Variants in DSCAML1 observed in about 807,000 individuals in gnomAD.
The protein encoded by DSCAML1 is cell adhesion molecule DSCAML1.
A neutral mutation model predicts 200.5 loss-of-function variants in DSCAML1; 38 were observed. The observed-to-expected ratio is 0.19, with a 90% CI of 0.15 to 0.25. DSCAML1 has a LOEUF of 0.25. Among genes scored for constraint, DSCAML1 ranks in the 10% least tolerant of loss-of-function variants. The pLI, the probability that DSCAML1 is intolerant of heterozygous loss-of-function variation, is 1.00. For synonymous variants in DSCAML1, 1,215 were observed against 1,165.0 expected (o/e 1.04, Z -0.87); for missense variants, 2,223 against 2,858.8 (o/e 0.78, Z 5.07).
At position 117,469,785 on chromosome 11, in the gene DSCAML1, T is replaced by G; in HGVS notation, c.3024+125A>C. The G allele has an allele frequency of 2.4e-6, 2 of 828,946 alleles. No homozygotes were observed. The highest frequency in any genetic ancestry group is 3.8e-5 in the South Asian group (1 of 26,350). 51.3% of individuals were successfully genotyped at this position (828,946 alleles called of 1,614,324 possible). ...ATCTCTCAAATCTCACTAGGTTTAG[T>G]GACAAAACAGACATGGGCATCATAT... is the stretch of plus-strand genomic sequence containing the variant. On this transcript the variant is annotated intron_variant, in intron 16 of 32. Coordinates refer to ENST00000651296, the MANE Select transcript of DSCAML1 (RefSeq NM_020693.4). The surrounding 1 kb of genome is among the most constrained non-coding windows in gnomAD (Gnocchi z 4.1).
At position 117,481,123 on chromosome 11, in the gene DSCAML1, C is replaced by A. The variant is rs1415677096; in HGVS notation, c.2656+51G>T. On this transcript the variant is annotated intron_variant, in intron 13 of 32. Transcript: ENST00000651296. ...TCTTTGAGGTGGAGTTAGCGGTGGGCCCCTGGGCCCTGGGGAGGTGGGATG... is the reference window on the plus strand; with the variant it reads ...TCTTTGAGGTGGAGTTAGCGGTGGGACCCTGGGCCCTGGGGAGGTGGGATG... 3 of 1,561,428 alleles carry A rather than the reference C, an allele frequency of 1.9e-6. No homozygotes were observed. The South Asian group carries it at 3.3e-5, about 17-fold the overall frequency.
At chr11:117,793,847 T>C (rs1308852208) in intron 1 of DSCAML1, among the ~76,000 whole-genome samples, 1 of 152,206 alleles carries the variant, frequency 6.6e-6, no homozygotes, top group Admixed American at 6.5e-5. Flanking sequence ...CTGGCTTTGA[T>C]GCCCAGAAAA....
At chr11:117,585,250 A>AT (rs889553367) in intron 3 of DSCAML1, among the ~76,000 whole-genome samples, 75 of 151,404 alleles carry the variant, frequency 5.0e-4, no homozygotes, top group Middle Eastern at 3.4e-3. Context: ...GTTTTCTGCT[A>AT]TTTTTTTTCT....
chr11:117,700,939 C>T (rs991964419), intron 3 of DSCAML1, among the ~76,000 whole-genome samples: 2 of 152,220 alleles, frequency 1.3e-5, no homozygotes, highest in East Asian at 1.9e-4. Context: ...TAAGACAGCA[C>T]AGACTTTGCT....
At chr11:117,457,960 A>G (rs1185567953) in intron 19 of DSCAML1, among the ~76,000 whole-genome samples, 1 of 152,210 alleles carries the variant, frequency 6.6e-6, no homozygotes, top group African/African-American at 2.4e-5. Flanking sequence ...CACCCGGCCC[A>G]GAGCACTCAC....
chr11:117,453,750 T>TTTCTTTCTTTCTTTCTTTC, intron 19 of DSCAML1, among the ~76,000 whole-genome samples: 1 of 130,454 alleles, frequency 7.7e-6, no homozygotes, highest in African/African-American at 3.2e-5. Context: ...TTCTTTCTTT[T>TTTCTTTCTTTCTTTCTTTC]TTTTTTTTTT....
chr11:117,630,388 A>G, intron 3 of DSCAML1, among the ~76,000 whole-genome samples: 1 of 152,094 alleles, frequency 6.6e-6, no homozygotes, highest in East Asian at 1.9e-4. Context: ...CCTTGCAGAC[A>G]CACAGATCTC....
chr11:117,521,142 T>A lies in DSCAML1; in HGVS notation c.1201A>T (p.Ile401Phe), dbSNP rs906471774. 3 of 1,612,156 alleles carry A rather than the reference T, an allele frequency of 1.9e-6. No homozygotes were observed. Among genetic ancestry groups the A allele is most frequent in the Non-Finnish European group, 2.5e-6 (3 of 1,178,510 alleles). ...CGCCCCAGCTCACCCTCAAGTGCAA[T>A]GATGGCAAAGTCCTGGGCGGTCTGG... ...KAQTAQDFAI[I>F]ALEDGTPRIV... is the part of the protein sequence containing the mutation. The change falls in exon 6 of 33, where the codon ATT (isoleucine) becomes TTT (phenylalanine). Residue 401 changes from isoleucine (I) to phenylalanine (F), a missense_variant. By Grantham distance (21) the Ile-to-Phe change is conservative. Around this residue, in one of 7 missense-constraint regions of DSCAML1, gnomAD observed 579 missense variants for 721.5 expected, o/e 0.80. Transcript: ENST00000651296.
intron 1 of DSCAML1, among the ~76,000 whole-genome samples, chr11:117,809,854 CACACTCACTT>C (rs1265803762): frequency 1.4e-4 from 22 of 151,876 alleles, no homozygotes; most frequent in African/African-American, 3.6e-4. Context: ...CATACACACT[CACACTCACTT>C]ACACATTCAC....
chr11:117,627,688 A>G (rs1422104674), intron 3 of DSCAML1, among the ~76,000 whole-genome samples: 1 of 152,032 alleles, frequency 6.6e-6, no homozygotes, highest in Admixed American at 6.5e-5. Context: ...CACTTTGTAT[A>G]TATGATCTCA....
rs148315691 is a variant in DSCAML1, at chr11:117,766,564, G to A, written c.511+10227C>T. ...AGGATAACCTTCTATAAAGAATTCC[G>A]CTCTGATTTCAGGGTAACTTTCAGA... On this transcript the variant is annotated intron_variant, in intron 3 of 32. Transcript: ENST00000651296. 3.8e-3 allele frequency among the ~76,000 whole-genome samples: 585 copies of A among 152,240 alleles called. 2 individuals carry two copies. Among genetic ancestry groups the A allele is most frequent in the African/African-American group, 0.013 (558 of 41,540 alleles).
At chr11:117,625,296 T>C (rs1263889746) in intron 3 of DSCAML1, among the ~76,000 whole-genome samples, 1 of 152,074 alleles carries the variant, frequency 6.6e-6, no homozygotes, top group African/African-American at 2.4e-5. Flanking sequence ...TCCTAACACC[T>C]GCAGCTCCTT....
At chr11:117,769,130 G>A (rs1183341668) in intron 3 of DSCAML1, among the ~76,000 whole-genome samples, 1 of 115,282 alleles carries the variant, frequency 8.7e-6, no homozygotes, top group South Asian at 2.4e-4. Flanking sequence ...TATATATTAT[G>A]TATATTATAT....
chr11:117,767,629 C>T (rs1040570647), intron 3 of DSCAML1, among the ~76,000 whole-genome samples: 2 of 152,180 alleles, frequency 1.3e-5, no homozygotes, highest in Non-Finnish European at 2.9e-5. Context: ...AATTAAGGAC[C>T]AGCTGCCTTT....
At position 117,430,991 on chromosome 11, in the gene DSCAML1, G is replaced by T; in HGVS notation, c.5417C>A (p.Ser1806Tyr). 1 of 1,614,108 alleles carries T rather than the reference G, an allele frequency of 6.2e-7. No individual in the cohort carries two copies. The highest frequency in any genetic ancestry group is 8.5e-7 in the Non-Finnish European group (1 of 1,180,026). ...NSMVSTESAS[S>Y]TYEELARAYE... ...GGCCCGGGCCAGCTCCTCGTAGGTG[G>T]AAGAGGCACTCTCAGTGGACACCAT... Residue 1806 changes from serine (S) to tyrosine (Y), a missense_variant, in exon 32 of 33, where the codon TCC becomes TAC. Ser to Tyr is a moderately radical substitution (Grantham distance 144). Coordinates refer to ENST00000651296, the MANE Select transcript of DSCAML1 (RefSeq NM_020693.4).
chr11:117,593,609 C>T (rs1255117008), intron 3 of DSCAML1, among the ~76,000 whole-genome samples: 2 of 152,186 alleles, frequency 1.3e-5, no homozygotes, highest in African/African-American at 4.8e-5. Flanking sequence ...GGCTTGGGGC[C>T]CTGGCACAAG....
intron 3 of DSCAML1, among the ~76,000 whole-genome samples, chr11:117,641,665 G>A (rs552376256): frequency 8.5e-5 from 13 of 152,248 alleles, no homozygotes; most frequent in South Asian, 2.1e-4. Context: ...TCAGAAGAGG[G>A]AGACAGACTC....
intron 3 of DSCAML1, among the ~76,000 whole-genome samples, chr11:117,569,324 T>A (rs2050808486): frequency 6.6e-6 from 1 of 152,206 alleles, no homozygotes; most frequent in East Asian, 1.9e-4. Flanking sequence ...GGACTTCATG[T>A]CTAAAACACC....
At chr11:117,816,353 T>C (rs566465010) in intron 1 of DSCAML1, among the ~76,000 whole-genome samples, 32 of 152,300 alleles carry the variant, frequency 2.1e-4, no homozygotes, top group Admixed American at 1.9e-3. Context: ...TCCCAGCCAG[T>C]GACTCGCTCT....
Sources: allele counts gnomAD v4.1 joint callset (sites outside exome capture counted in the v4.1 genomes callset), GRCh38; gene constraint gnomAD v4.1.1; regional missense constraint gnomAD v4.1.1; non-coding constraint Gnocchi (gnomAD v3.1); transcripts MANE v1.5; gene names NCBI Gene and HGNC (gene_info 2026-07-23, HGNC 2026-07-21).